The following TEX15 variants were observed in gnomAD, a reference collection of about 807,000 sequenced individuals.
The protein encoded by TEX15 is testis expressed 15, meiosis and synapsis associated.
TEX15 carries 171 observed loss-of-function variants against 237.3 expected under a neutral mutation model. That is an observed-to-expected ratio of 0.72 (90% confidence interval 0.64 to 0.82). TEX15 has a LOEUF of 0.82. TEX15 is among the 40% of genes least tolerant of loss of function. The probability of loss-of-function intolerance (pLI) is 0.00; values close to 1 mark genes in which losing one functional copy is unlikely to be tolerated. For missense variants in TEX15, 3,750 were observed against 3,646.5 expected (o/e 1.03, Z -0.73); for synonymous variants, 1,338 against 1,269.8 (o/e 1.05, Z -1.14).
At chr8:30,879,463 A>C (rs149200411) in intron 3 of TEX15, among the ~76,000 whole-genome samples, 1 of 152,340 alleles carries the variant, frequency 6.6e-6, no homozygotes, top group Non-Finnish European at 1.5e-5. Flanking sequence ...GCATGAGGTT[A>C]GGGTGAAGTT....
chr8:30,847,868 T>G lies in TEX15; in HGVS notation c.2299A>C (p.Lys767Gln), dbSNP rs766192782. 6.2e-6 allele frequency: 10 copies of G among 1,613,826 alleles called. No individual in the cohort carries two copies. Among genetic ancestry groups the G allele is most frequent in the Non-Finnish European group, 7.6e-6 (9 of 1,179,962 alleles). ...YASIITEAFP[K>Q]PKDIPQAKEM... ...TTGGCCTGGGGTATGTCTTTTGGTTTCGGGAAAGCTTCAGTTATAATGCTA... is the reference window on the plus strand; with the variant it reads ...TTGGCCTGGGGTATGTCTTTTGGTTGCGGGAAAGCTTCAGTTATAATGCTA... The change falls in exon 8 of 11, where the codon AAA (lysine) becomes CAA (glutamine). Residue 767 changes from lysine to glutamine, a missense_variant. Lys to Gln is a moderately conservative substitution (Grantham distance 53). Coordinates refer to ENST00000643185, the MANE Select transcript of TEX15 (RefSeq NM_001350162.2).
rs375304009 is a variant in TEX15, at chr8:30,837,900, G to C, written c.8384C>G (p.Ser2795Trp). Residue 2795 changes from serine (S) to tryptophan (W), a missense_variant, in exon 10 of 11, where the codon TCG (serine) becomes TGG (tryptophan). Transcript: ENST00000643185. ...AACAGTTAAGTCTATTTTGCTTTCC[G>C]ACTTTGATGCGCAAGTGTCTTTTGG... ...ENPKDTCASK[S>W]ESKIDLTVSS... 3.7e-6 allele frequency: 6 copies of C among 1,614,098 alleles called. No individual in the cohort carries two copies. The Admixed American group carries it at 6.7e-5, about 18-fold the overall frequency.
At chr8:30,853,346 C>T (rs572943583) in intron 7 of TEX15, among the ~76,000 whole-genome samples, 2 of 152,282 alleles carry the variant, frequency 1.3e-5, no homozygotes, top group Admixed American at 6.5e-5. Flanking sequence ...ACCTAACAGC[C>T]TATGGAACAC....
In TEX15 at chr8:30,845,020, C is replaced by T; in HGVS notation, c.5147G>A (p.Ser1716Asn). The change falls in exon 8 of 11, where the codon AGT becomes AAT. Residue 1716 changes from serine (S) to asparagine (N), a missense_variant. Coordinates refer to ENST00000643185, the MANE Select transcript of TEX15 (RefSeq NM_001350162.2). ...TGCAGCGGCTGATAACTGAGGAATA[C>T]TGTACTTTTTACTTGCTATCAAAGT... ...NLTLIASKKY[S>N]IPQLSAAAVT... 1 of 1,613,596 alleles carries T rather than the reference C, an allele frequency of 6.2e-7. No homozygotes were observed. The highest frequency in any genetic ancestry group is 8.5e-7 in the Non-Finnish European group (1 of 1,179,556).
At position 30,848,081 on chromosome 8, in the gene TEX15, A is replaced by G; in HGVS notation, c.2086T>C (p.Ser696Pro). 1.9e-6 allele frequency: 3 copies of G among 1,611,450 alleles called. No homozygotes were observed. The highest frequency in any genetic ancestry group is 2.5e-6 in the Non-Finnish European group (3 of 1,178,782). The change falls in exon 8 of 11, where the codon TCT (serine) becomes CCT (proline). Residue 696 changes from serine to proline, a missense_variant. Physicochemically the swap from Ser to Pro is moderately conservative, Grantham distance 74. Transcript: ENST00000643185. ...AGTTCATCCTTATCCTTTATGGTAG[A>G]TGTAGAAGATTTTGTTATTTCTAAC... is the stretch of plus-strand genomic sequence containing the variant. ...QELEITKSSTSTIKDKDELDH... is the reference protein window; with the variant it reads ...QELEITKSSTPTIKDKDELDH...
rs1310691265 is a variant in TEX15 at position 30,842,749 on chromosome 8, C to T, written c.7418G>A (p.Gly2473Asp). 1 of 1,613,432 alleles carries T rather than the reference C, an allele frequency of 6.2e-7. No individual in the cohort carries two copies. Among genetic ancestry groups the T allele is most frequent in the Non-Finnish European group, 8.5e-7 (1 of 1,179,750 alleles). The change falls in exon 8 of 11, where the codon GGT becomes GAT. Residue 2473 changes from glycine to aspartate, a missense_variant. Transcript: ENST00000643185. ...AKKLDKQRFRGMLWFDLSLLP... is the reference protein window; with the variant it reads ...AKKLDKQRFRDMLWFDLSLLP... ...AAGTGACAAATCAAACCAAAGCATACCTCGAAACCTCTGTTTGTCTAGTTT... is the reference window on the plus strand; with the variant it reads ...AAGTGACAAATCAAACCAAAGCATATCTCGAAACCTCTGTTTGTCTAGTTT...
chr8:30,883,815 G>A (rs1477536900), intron 3 of TEX15, among the ~76,000 whole-genome samples: 2 of 152,118 alleles, frequency 1.3e-5, no homozygotes, highest in Non-Finnish European at 2.9e-5. Context: ...AAACATATGT[G>A]TGCATGTGTC....
intron 3 of TEX15, among the ~76,000 whole-genome samples, chr8:30,881,408 C>T (rs1585305798): frequency 1.3e-5 from 2 of 152,140 alleles, no homozygotes; most frequent in East Asian, 3.9e-4. Context: ...TTTAAATGAT[C>T]TATTTAGAAC....
intron 1 of TEX15, among the ~76,000 whole-genome samples, chr8:30,909,484 T>C (rs1809175699): frequency 6.7e-6 from 1 of 148,226 alleles, no homozygotes; most frequent in Non-Finnish European, 1.5e-5. Context: ...ATTATGTGGA[T>C]TGCACATTCC....
intron 3 of TEX15, among the ~76,000 whole-genome samples, chr8:30,878,607 G>A (rs1233104211): frequency 6.6e-6 from 1 of 151,980 alleles, no homozygotes; most frequent in Non-Finnish European, 1.5e-5. Flanking sequence ...GGCTGGTCTT[G>A]AACTCCCGAC....
intron 3 of TEX15, among the ~76,000 whole-genome samples, chr8:30,875,795 T>C (rs577791779): frequency 5.3e-5 from 8 of 151,774 alleles, no homozygotes; most frequent in African/African-American, 1.9e-4. Flanking sequence ...TAAGTTACTG[T>C]GGGCATCTGG....
intron 5 of TEX15, among the ~76,000 whole-genome samples, chr8:30,866,831 C>G (rs1333485052): frequency 6.6e-6 from 1 of 151,776 alleles, no homozygotes; most frequent in African/African-American, 2.4e-5. Context: ...AGCAAAATCA[C>G]CAAAATTAAG....
At chr8:30,855,095 C>G (rs1396234510) in intron 7 of TEX15, among the ~76,000 whole-genome samples, 2 of 152,126 alleles carry the variant, frequency 1.3e-5, no homozygotes, top group East Asian at 3.9e-4. Context: ...ACTTCTCTTA[C>G]TGAAGGTGCT....
chr8:30,879,676 C>T (rs73570247), intron 3 of TEX15, among the ~76,000 whole-genome samples: 30,327 of 152,160 alleles, frequency 0.2, 3,972 homozygotes, highest in African/African-American at 0.35. Flanking sequence ...CTTACTACAG[C>T]TATATGCTAA....
intron 7 of TEX15, among the ~76,000 whole-genome samples, chr8:30,849,926 A>C (rs1057451978): frequency 6.6e-6 from 1 of 152,112 alleles, no homozygotes; most frequent in East Asian, 1.9e-4. Context: ...GTGGGGAAGA[A>C]TAAAACTAAA....
chr8:30,875,811 T>C (rs1808389557), intron 3 of TEX15, among the ~76,000 whole-genome samples: 1 of 147,546 alleles, frequency 6.8e-6, no homozygotes, highest in Admixed American at 6.8e-5. Flanking sequence ...TCTGGTCAAT[T>C]TTTTTTTTTT....
At chr8:30,860,932 T>A (rs1808037620) in intron 5 of TEX15, among the ~76,000 whole-genome samples, 1 of 151,956 alleles carries the variant, frequency 6.6e-6, no homozygotes, top group Non-Finnish European at 1.5e-5. Flanking sequence ...TTTTTTTTTT[T>A]AAGTCTGGGT....
In TEX15 at chr8:30,875,023, T is replaced by A. The variant is rs16877457; in HGVS notation, c.216A>T (p.Val72=). 89,018 of 1,397,272 alleles carry A rather than the reference T, an allele frequency of 0.064. 4,224 individuals carry two copies. Among genetic ancestry groups the A allele is most frequent in the African/African-American group, 0.23 (15,750 of 68,756 alleles). 86.6% of individuals were successfully genotyped at this position (1,397,272 alleles called of 1,614,324 possible). ...GCCATAACGACTGCAGATCACAGTT[T>A]ACATCAAGCCTGCACTGGTTAAGAG... ...HDTLNQCRLD[V]NCDLQSLWQF... is the part of the protein sequence containing the mutation. Residue 72 remains valine, a synonymous_variant, in exon 4 of 11, where the codon GTA becomes GTT. Transcript: ENST00000643185.
At chr8:30,892,038 G>T (rs1808804883) in intron 2 of TEX15, among the ~76,000 whole-genome samples, 1 of 151,828 alleles carries the variant, frequency 6.6e-6, no homozygotes, top group South Asian at 2.1e-4. Context: ...TATATTTTGT[G>T]CTTTCATTTT....
Sources: allele counts gnomAD v4.1 joint callset (sites outside exome capture counted in the v4.1 genomes callset), GRCh38; gene constraint gnomAD v4.1.1; transcripts MANE v1.5; gene names NCBI Gene and HGNC (gene_info 2026-07-23, HGNC 2026-07-21).